Variants in HPSE2 observed in about 807,000 individuals in gnomAD.
HPSE2 encodes inactive heparanase-2.
In HPSE2, 38 loss-of-function variants were observed where a neutral mutation model predicts 60.5. The observed-to-expected ratio is 0.63, with a 90% confidence interval of 0.48 to 0.82. The LOEUF is 0.82. Ranked by LOEUF, HPSE2 falls within the 40% of genes least tolerant of loss-of-function variation. HPSE2 has a pLI of 0.00. For synonymous variants in HPSE2, 295 were observed against 293.2 expected, an observed-to-expected ratio of 1.01 and a Z score of -0.06; for missense variants, 713 against 740.4, an observed-to-expected ratio of 0.96 and a Z score of 0.43.
intron 2 of HPSE2, among the ~76,000 whole-genome samples, chr10:99,149,254 G>A (rs1846171165): frequency 6.6e-6 from 1 of 152,102 alleles, no homozygotes; most frequent in Admixed American, 6.5e-5. Context: ...ACTACTTCAT[G>A]AAGGAGTAAG....
At chr10:98,802,731 T>C (rs1950944640) in intron 3 of HPSE2, among the ~76,000 whole-genome samples, 1 of 148,282 alleles carries the variant, frequency 6.7e-6, no homozygotes, top group African/African-American at 2.5e-5. Context: ...TGTTGGACAT[T>C]TGGGTTGGTT....
chr10:98,988,338 C>T (rs1208804868), intron 3 of HPSE2, among the ~76,000 whole-genome samples: 2 of 152,308 alleles, frequency 1.3e-5, no homozygotes, highest in African/African-American at 2.4e-5. Context: ...AGAAATAACA[C>T]CACATATCTA....
At chr10:98,632,507 T>G (rs1946390499) in intron 7 of HPSE2, among the ~76,000 whole-genome samples, 1 of 152,182 alleles carries the variant, frequency 6.6e-6, no homozygotes, top group Admixed American at 6.5e-5. Flanking sequence ...TGTTCTTTGG[T>G]GGTAAACATA....
intron 11 of HPSE2, among the ~76,000 whole-genome samples, chr10:98,477,900 T>C (rs979844175): frequency 1.3e-5 from 2 of 150,978 alleles, no homozygotes; most frequent in African/African-American, 5.0e-5. Context: ...AACCCTATTG[T>C]GAACTGCACA....
At chr10:98,889,963 T>C (rs1166075949) in intron 3 of HPSE2, among the ~76,000 whole-genome samples, 1 of 152,158 alleles carries the variant, frequency 6.6e-6, no homozygotes, top group African/African-American at 2.4e-5. Flanking sequence ...GAAAATTTGG[T>C]AAAATACATC....
intron 9 of HPSE2, among the ~76,000 whole-genome samples, chr10:98,585,945 G>A (rs1327854380): frequency 1.0e-5 from 1 of 97,432 alleles, no homozygotes; most frequent in African/African-American, 3.8e-5. Context: ...GAGCAAGACT[G>A]TGTCTCAAAA....
intron 3 of HPSE2, among the ~76,000 whole-genome samples, chr10:99,105,681 C>G: frequency 6.6e-6 from 1 of 151,810 alleles, no homozygotes; most frequent in African/African-American, 2.4e-5. Flanking sequence ...ATGGTTATGT[C>G]TAAGAACTCT....
At chr10:99,206,466 G>A (rs541993055) in intron 2 of HPSE2, among the ~76,000 whole-genome samples, 9 of 151,524 alleles carry the variant, frequency 5.9e-5, no homozygotes, top group East Asian at 5.8e-4. Flanking sequence ...GGTGGCATGC[G>A]CTATGGTCTC....
chr10:98,649,482 C>T (rs902047851), intron 6 of HPSE2, among the ~76,000 whole-genome samples: 1 of 152,112 alleles, frequency 6.6e-6, no homozygotes, highest in Admixed American at 6.5e-5. Context: ...CTTTGATCTG[C>T]CAAGTGTCCC....
chr10:99,307,091 T>C, the HPSE2 span, among the ~76,000 whole-genome samples: 1 of 152,176 alleles, frequency 6.6e-6, no homozygotes, highest in Non-Finnish European at 1.5e-5. Flanking sequence ...TGCTGGCAAG[T>C]GAACTCTTTG....
At chr10:98,461,226 T>G (rs550717061) in intron 11 of HPSE2, among the ~76,000 whole-genome samples, 1 of 152,330 alleles carries the variant, frequency 6.6e-6, no homozygotes, top group African/African-American at 2.4e-5. Context: ...TTGCTCCCAA[T>G]GGAGAGCTAG....
At chr10:98,765,328 C>T (rs1178686770) in intron 3 of HPSE2, among the ~76,000 whole-genome samples, 2 of 152,018 alleles carry the variant, frequency 1.3e-5, no homozygotes, top group Non-Finnish European at 2.9e-5. Flanking sequence ...ATGGCATTAA[C>T]CCAGAAATTA....
chr10:98,591,010 A>G (rs886788995), intron 9 of HPSE2, among the ~76,000 whole-genome samples: 11 of 152,234 alleles, frequency 7.2e-5, no homozygotes, highest in Non-Finnish European at 1.5e-4. Context: ...CCAGTCAACA[A>G]GGGATGTAAA....
chr10:98,465,836 T>C (rs949636838), intron 11 of HPSE2, among the ~76,000 whole-genome samples: 3 of 152,268 alleles, frequency 2.0e-5, no homozygotes, highest in Admixed American at 2.0e-4. Flanking sequence ...TGAGGGTATT[T>C]AAATTATCCA....
Position 99,116,737 on chromosome 10 carries a change from A to G in HPSE2, c.610+27501T>C, listed in dbSNP as rs530952065. Among the ~76,000 whole-genome samples, 64 of 152,316 alleles carry G rather than the reference A, an allele frequency of 4.2e-4. 2 individuals are homozygous for G. Among genetic ancestry groups the G allele is most frequent in the African/African-American group, 1.5e-3 (64 of 41,560 alleles). ...GCCAGACTCCCTAATTAGAACACAA[A>G]AAGAAAAAAGTACTGCTTGCCTGCT... On this transcript the variant is annotated intron_variant, in intron 3 of 11. Transcript: ENST00000370552.
intron 3 of HPSE2, among the ~76,000 whole-genome samples, chr10:99,007,167 C>T (rs140285771): frequency 1.2e-4 from 18 of 152,208 alleles, no homozygotes; most frequent in East Asian, 5.8e-4. Context: ...ACAAGTCCTC[C>T]GGGTAGACCT....
chr10:98,987,111 G>C (rs1429405713), intron 3 of HPSE2, among the ~76,000 whole-genome samples: 2 of 151,734 alleles, frequency 1.3e-5, no homozygotes, highest in East Asian at 3.9e-4. Flanking sequence ...CCGATCAATA[G>C]AAAAAGAGGG....
chr10:99,076,252 A>G (rs1842947909), intron 3 of HPSE2, among the ~76,000 whole-genome samples: 2 of 152,232 alleles, frequency 1.3e-5, no homozygotes, highest in East Asian at 3.9e-4. Context: ...CTTACATAAA[A>G]TATCTTATAG....
intron 2 of HPSE2, among the ~76,000 whole-genome samples, chr10:99,200,358 G>T (rs1190500036): frequency 6.6e-6 from 1 of 152,076 alleles, no homozygotes; most frequent in South Asian, 2.1e-4. Context: ...TCGTTAGGAA[G>T]TACAATAATA....
Sources: allele counts gnomAD v4.1 joint callset (sites outside exome capture counted in the v4.1 genomes callset), GRCh38; gene constraint gnomAD v4.1.1; transcripts MANE v1.5; gene names NCBI Gene and HGNC (gene_info 2026-07-23, HGNC 2026-07-21).